The following ARHGEF10L variants were observed in gnomAD, a reference collection of about 807,000 sequenced individuals.
ARHGEF10L encodes the protein Rho guanine nucleotide exchange factor 10 like, also known as rho guanine nucleotide exchange factor 10-like protein.
In ARHGEF10L, 69 loss-of-function variants were observed where a neutral mutation model predicts 141.2. That is an observed-to-expected ratio of 0.49 (90% CI 0.40 to 0.60). ARHGEF10L has a LOEUF of 0.60. Ranked by LOEUF, ARHGEF10L falls within the 20% of genes least tolerant of loss-of-function variation. The pLI, the probability that ARHGEF10L is intolerant of heterozygous loss-of-function variation, is 0.00. For missense variants in ARHGEF10L, 1,482 were observed against 1,734.3 expected, an observed-to-expected ratio of 0.85 and a Z score of 2.58; for synonymous variants, 711 against 718.5, an observed-to-expected ratio of 0.99 and a Z score of 0.17.
At chr1:17,535,492 C>A (rs1483624941), upstream of ARHGEF10L, among the ~76,000 whole-genome samples, 3 of 152,118 alleles carry the variant, frequency 2.0e-5, no homozygotes, top group African/African-American at 7.2e-5. Context: ...GCGGCGGGGG[C>A]CCTGGGTCCC....
At chr1:17,647,047 C>T (rs912646244) in intron 21 of ARHGEF10L, among the ~76,000 whole-genome samples, 1 of 152,000 alleles carries the variant, frequency 6.6e-6, no homozygotes, top group Non-Finnish European at 1.5e-5. Flanking sequence ...GGCGGGAACT[C>T]TCCGGCTGAC....
At position 17,627,076 on chromosome 1, in the gene ARHGEF10L, C is replaced by T. The variant is rs377522614; in HGVS notation, c.1411-254C>T. ...TAATGCTGCTATGAACATGGCTGGA[C>T]AAATATCTGTTTGAGACCCCGCTTT... On this transcript the variant is annotated intron_variant, in intron 14 of 28. Transcript: ENST00000361221. The surrounding 1 kb of genome is among the most constrained non-coding windows in gnomAD (Gnocchi z 4.0). Among the ~76,000 whole-genome samples the T allele has an allele frequency of 9.2e-5, 14 of 152,226 alleles. No individual in the cohort carries two copies. Among genetic ancestry groups the T allele is most frequent in the African/African-American group, 3.4e-4 (14 of 41,458 alleles).
rs779889971 is a variant in ARHGEF10L, at chr1:17,644,903, C to T, written c.2273-3651C>T. 5.9e-5 allele frequency among the ~76,000 whole-genome samples: 9 copies of T among 152,126 alleles called. No homozygotes were observed. The South Asian group carries it at 8.3e-4, about 14-fold the overall frequency. ...AGTGCTCACAACTCCAGATGGTTGG[C>T]GTTCCTTCCCCCATTTTCTACATGA... On this transcript the variant is annotated intron_variant, in intron 21 of 28. Transcript: ENST00000361221. This position sits in a 1 kb window ranked among gnomAD's most constrained non-coding sequence, Gnocchi z 4.5.
At chr1:17,616,596 G>A (rs907441979) in intron 9 of ARHGEF10L, among the ~76,000 whole-genome samples, 1 of 152,194 alleles carries the variant, frequency 6.6e-6, no homozygotes, top group African/African-American at 2.4e-5. Context: ...CCTACTAAGC[G>A]CCACAGCCTG....
At chr1:17,600,714 C>T (rs2080569322) in intron 4 of ARHGEF10L, among the ~76,000 whole-genome samples, 1 of 152,188 alleles carries the variant, frequency 6.6e-6, no homozygotes, top group African/African-American at 2.4e-5. Flanking sequence ...CAGCCCGTGG[C>T]AGTTTCTCAG....
chr1:17,623,208 C>A lies in ARHGEF10L; in HGVS notation c.1200+33C>A. ...TCCCCAAACTTTTTCCCCAGCCCAC[C>A]AAGGTAAAACCACAACCAGTCTGAC... On this transcript the variant is annotated intron_variant, in intron 12 of 28. Transcript: ENST00000361221. The surrounding 1 kb of genome is among the most constrained non-coding windows in gnomAD (Gnocchi z 4.7). The A allele has an allele frequency of 6.2e-7, 1 of 1,602,984 alleles. No homozygotes were observed. The highest frequency in any genetic ancestry group is 2.2e-5 in the East Asian group (1 of 44,818).
chr1:17,665,692 T>A (rs963184697), intron 26 of ARHGEF10L, among the ~76,000 whole-genome samples: 10 of 152,250 alleles, frequency 6.6e-5, no homozygotes, highest in Non-Finnish European at 1.5e-4. Flanking sequence ...ATCCTTTTCC[T>A]TACTGTATCA....
intron 7 of ARHGEF10L, among the ~76,000 whole-genome samples, chr1:17,611,839 C>T (rs1280008392): frequency 3.9e-5 from 6 of 152,192 alleles, no homozygotes; most frequent in Non-Finnish European, 8.8e-5. Context: ...CACTCTTGAT[C>T]CTTCTGTCTA....
At chr1:17,676,404 G>A (rs1378661924) in intron 26 of ARHGEF10L, among the ~76,000 whole-genome samples, 2 of 146,454 alleles carry the variant, frequency 1.4e-5, no homozygotes, top group African/African-American at 5.1e-5. Context: ...GGGTACAGGT[G>A]TATGTTCATG....
intron 6 of ARHGEF10L, among the ~76,000 whole-genome samples, chr1:17,605,263 C>T (rs1431028459): frequency 6.6e-6 from 1 of 152,188 alleles, no homozygotes; most frequent in Non-Finnish European, 1.5e-5. Context: ...GCCTTGGCTT[C>T]TTCACATAAA....
chr1:17,577,092 G>A lies in ARHGEF10L; in HGVS notation c.-43-3461G>A, dbSNP rs571298554. ...ACAGTCTTGCTCTGTCGCCTAGGCT[G>A]GAGTGGCAGTGGTGTGATCTTGGCT... is the stretch of plus-strand genomic sequence containing the variant. On this transcript the variant is annotated intron_variant, in intron 1 of 28. Coordinates refer to ENST00000361221, the MANE Select transcript of ARHGEF10L (RefSeq NM_018125.4). 1.3e-4 allele frequency among the ~76,000 whole-genome samples: 20 copies of A among 152,314 alleles called. No individual in the cohort carries two copies. The East Asian group carries it at 3.9e-3, about 29-fold the overall frequency.
In ARHGEF10L at chr1:17,619,212, C is replaced by T. The variant is rs1425537439; in HGVS notation, c.836-127C>T. ...CCGGGCGGCTCTAACCCCACGGGGC[C>T]CCAGGAGCTGCTTGCACCCTAGGAC... On this transcript the variant is annotated intron_variant, in intron 9 of 28. Transcript: ENST00000361221. This position sits in a 1 kb window ranked among gnomAD's most constrained non-coding sequence, Gnocchi z 5.0. The T allele has an allele frequency of 4.6e-6, 4 of 876,616 alleles. No homozygotes were observed. The African/African-American group carries it at 6.9e-5, about 15-fold the overall frequency. 54.3% of individuals were successfully genotyped at this position (876,616 alleles called of 1,614,324 possible).
At position 17,613,129 on chromosome 1, in the gene ARHGEF10L, TG is replaced by T. The variant is rs1381507071; in HGVS notation, c.687del (p.Arg230GlufsTer6). The T allele has an allele frequency of 6.2e-7, 1 of 1,613,962 alleles. No individual in the cohort carries two copies. The highest frequency in any genetic ancestry group is 1.7e-5 in the Admixed American group (1 of 60,002). The stretch of plus-strand genomic sequence containing the variant: ...AGAGAGACATCTTGGCTTTGAGAGT[TG>T]GGGGGAGAGACATGCAGGAGCTGAA... ...TKRDILALRV[G>X]GRDMQELKHK... On this transcript the variant is annotated frameshift_variant, in exon 8 of 29. Coordinates refer to ENST00000361221, the MANE Select transcript of ARHGEF10L (RefSeq NM_018125.4). LOFTEE classifies it high-confidence loss of function.
At chr1:17,579,075 C>A (rs1000635683) in intron 1 of ARHGEF10L, among the ~76,000 whole-genome samples, 1 of 152,056 alleles carries the variant, frequency 6.6e-6, no homozygotes, top group African/African-American at 2.4e-5. Context: ...GACTGGAGTG[C>A]GGTGGCACGG....
chr1:17,613,611 G>A (rs1374001276), intron 8 of ARHGEF10L, among the ~76,000 whole-genome samples: 4 of 152,236 alleles, frequency 2.6e-5, no homozygotes, highest in African/African-American at 9.6e-5. Context: ...AAAAACGTGA[G>A]TGTTGCTGAC....
the ARHGEF10L span, among the ~76,000 whole-genome samples, chr1:17,522,341 G>A: frequency 1.3e-5 from 2 of 152,224 alleles, no homozygotes; most frequent in African/African-American, 4.8e-5. Context: ...CCTGAAGGGT[G>A]CTCACAACAG....
chr1:17,637,768 T>G, intron 18 of ARHGEF10L, 120 bp from the exon 19 acceptor site: 1 of 805,184 alleles, frequency 1.2e-6, no homozygotes, highest in East Asian at 2.9e-5. Context: ...CCTCCCAAAG[T>G]GCTGGGATTA....
intron 4 of ARHGEF10L, among the ~76,000 whole-genome samples, chr1:17,593,176 A>C (rs528677237): frequency 6.6e-6 from 1 of 152,208 alleles, no homozygotes; most frequent in Non-Finnish European, 1.5e-5. Context: ...TCCTCCCTGC[A>C]TCCCTGCAGC....
chr1:17,530,967 T>C, the ARHGEF10L span, among the ~76,000 whole-genome samples: 2 of 151,114 alleles, frequency 1.3e-5, no homozygotes, highest in South Asian at 4.2e-4. Flanking sequence ...ATCGTGCCAC[T>C]GCACTCCAGC....
Sources: gnomAD v4.1 joint callset for allele counts (sites outside exome capture counted in the v4.1 genomes callset) on GRCh38, gnomAD v4.1.1 for gene constraint, Gnocchi (gnomAD v3.1) non-coding constraint, MANE v1.5 for transcripts, NCBI Gene and HGNC (gene_info 2026-07-23, HGNC 2026-07-21) for gene names.